The following CCDC174 variants were observed in gnomAD, a reference collection of about 807,000 sequenced individuals.
CCDC174 encodes coiled-coil domain-containing protein 174.
In CCDC174, 37 loss-of-function variants were observed where a neutral mutation model predicts 57.1. The ratio of observed to expected loss-of-function variants is 0.65; its 90% CI spans 0.50 to 0.85. CCDC174 has a LOEUF of 0.85. Ranked by LOEUF, CCDC174 falls within the 40% of genes least tolerant of loss-of-function variation. CCDC174 has a pLI of 0.00. For synonymous variants in CCDC174, 182 were observed against 190.2 expected (o/e 0.96, Z 0.35); for missense variants, 540 against 574.3 (o/e 0.94, Z 0.61).
At chr3:14,657,851 C>T (rs1230482290) in intron 3 of CCDC174, among the ~76,000 whole-genome samples, 1 of 152,212 alleles carries the variant, frequency 6.6e-6, no homozygotes, top group East Asian at 1.9e-4. Flanking sequence ...AGAGGTTTCC[C>T]CTGACTGCCC....
intron 6 of CCDC174, among the ~76,000 whole-genome samples, chr3:14,666,037 CAAAAAAAAA>C (rs71038422): frequency 1.2e-5 from 1 of 84,802 alleles, no homozygotes; most frequent in Non-Finnish European, 2.4e-5. Context: ...GACTCCGTCT[CAAAAAAAAA>C]AAAAAAAAAA....
In CCDC174 at chr3:14,668,091, C is replaced by T. The variant is rs752013404; in HGVS notation, c.862C>T (p.Arg288Ter). Reference protein sequence around the residue: ...RTKRENIKEKRKAILEARLAK... With the variant: ...RTKRENIKEK ...AAAACGAGAAAACATAAAGGAAAAG[C>T]GAAAGGCTATCTTAGAGGCAAGACT... The change falls in exon 9 of 11, where the codon CGA becomes TGA. Residue 288 changes from arginine (R) to a stop codon, truncating the protein, a stop_gained. Transcript: ENST00000383794. LOFTEE classifies it high-confidence loss of function. 1.2e-5 allele frequency: 19 copies of T among 1,601,482 alleles called. No homozygotes were observed. Among genetic ancestry groups the T allele is most frequent in the Non-Finnish European group, 1.4e-5 (16 of 1,174,604 alleles).
intron 8 of CCDC174, 193 bp from the exon 9 acceptor site, chr3:14,667,856 A>C: frequency 1.7e-6 from 1 of 594,128 alleles, no homozygotes; most frequent in Non-Finnish European, 2.9e-6. Context: ...ACTCTTATGA[A>C]ACTTTGTAAG....
rs536933697 is a variant in CCDC174, at chr3:14,667,628, C to T, written c.819+110C>T. 32 of 813,282 alleles carry T rather than the reference C, an allele frequency of 3.9e-5. No individual in the cohort carries two copies. In the South Asian group the frequency reaches 5.2e-4, roughly 13 times the overall value. 50.4% of individuals were successfully genotyped at this position (813,282 alleles called of 1,614,324 possible). ...TTAGTTAGAAATTAAAATTGATATT[C>T]AGAATTGCATAAAGGTAGTTGCCAT... On this transcript the variant is annotated intron_variant, in intron 8 of 10. Transcript: ENST00000383794.
rs756846641 is a variant in CCDC174 at position 14,666,889 on chromosome 3, AAG to A, written c.671_672del (p.Glu224GlyfsTer12). 1 of 1,608,174 alleles carries A rather than the reference AAG, an allele frequency of 6.2e-7. No homozygotes were observed. The highest frequency in any genetic ancestry group is 2.2e-5 in the East Asian group (1 of 44,786). On this transcript the variant is annotated frameshift_variant, in exon 7 of 11. Transcript: ENST00000383794. LOFTEE classifies it high-confidence loss of function. ...AGCGCCAGCAATGGGAGGAAGAAGA[AAG>A]AGAGGCCCTGAAGAGGCCCATGGGG... Reference protein sequence around the residue: ...LQRQQWEEEEREALKRPMGPV... With the variant: ...LQRQQWEEEEXEALKRPMGPV...
chr3:14,660,943 G>T (rs941863349), intron 4 of CCDC174, among the ~76,000 whole-genome samples: 1 of 152,144 alleles, frequency 6.6e-6, no homozygotes, highest in Non-Finnish European at 1.5e-5. Flanking sequence ...TGGACCATAA[G>T]CCCTGCAGGC....
intron 8 of CCDC174, 185 bp from the exon 9 acceptor site, chr3:14,667,864 A>G (rs954336480): frequency 5.0e-5 from 30 of 601,888 alleles, no homozygotes; most frequent in Non-Finnish European, 7.5e-5. Flanking sequence ...GAAACTTTGT[A>G]AGACATCAGA....
At chr3:14,657,058 TC>T (rs2030982340) in intron 3 of CCDC174, among the ~76,000 whole-genome samples, 1 of 152,228 alleles carries the variant, frequency 6.6e-6, no homozygotes, top group African/African-American at 2.4e-5. Context: ...TTGAGACATT[TC>T]CCACTCTTGG....
In CCDC174 at chr3:14,662,903, A is replaced by G. The variant is rs559786917; in HGVS notation, c.485+1196A>G. Reference sequence around the variant, plus strand: ...ACATTCTCATTGGGATAAAACAGGTATCTTTTTACCTACTGTCTTAAAAAC... The same window carrying G: ...ACATTCTCATTGGGATAAAACAGGTGTCTTTTTACCTACTGTCTTAAAAAC... On this transcript the variant is annotated intron_variant, in intron 5 of 10. Coordinates refer to ENST00000383794, the MANE Select transcript of CCDC174 (RefSeq NM_016474.5). 1.4e-4 allele frequency among the ~76,000 whole-genome samples: 22 copies of G among 152,346 alleles called. No individual in the cohort carries two copies. In the South Asian group the frequency reaches 3.3e-3, roughly 23 times the overall value.
chr3:14,655,784 G>A (rs549464173), intron 3 of CCDC174, among the ~76,000 whole-genome samples, 155 bp downstream of exon 3: 1 of 152,134 alleles, frequency 6.6e-6, no homozygotes, highest in Non-Finnish European at 1.5e-5. Context: ...ATAATTTGCA[G>A]ATATATCTGT....
At chr3:14,669,401 A>G (rs1182031574) in intron 9 of CCDC174, among the ~76,000 whole-genome samples, 3 of 152,222 alleles carry the variant, frequency 2.0e-5, no homozygotes, top group Non-Finnish European at 2.9e-5. Context: ...AACATCTGTC[A>G]TGTCCAGAAA....
chr3:14,669,661 C>T (rs2031452644), intron 9 of CCDC174, among the ~76,000 whole-genome samples: 1 of 152,154 alleles, frequency 6.6e-6, no homozygotes, highest in African/African-American at 2.4e-5. Context: ...CCCAGGACTC[C>T]AGCCCGTATC....
At chr3:14,670,591 C>A (rs951829) in intron 10 of CCDC174, among the ~76,000 whole-genome samples, 125,947 of 152,180 alleles carry the variant, frequency 0.83, 52,911 homozygotes, top group Non-Finnish European at 0.91. Flanking sequence ...AACTCAATAA[C>A]GGACAAAATT....
intron 3 of CCDC174, among the ~76,000 whole-genome samples, chr3:14,657,164 C>T (rs1416885372): frequency 2.6e-5 from 4 of 152,144 alleles, no homozygotes; most frequent in Admixed American, 6.5e-5. Context: ...CTTTGCTGTG[C>T]TTTTTCTATG....
intron 1 of CCDC174, among the ~76,000 whole-genome samples, chr3:14,652,915 C>T (rs1274924608): frequency 1.9e-5 from 2 of 105,692 alleles, no homozygotes; most frequent in African/African-American, 3.8e-5. Context: ...GGGCGGGGGG[C>T]GGGGGGAAGA....
At chr3:14,654,349 TG>T (rs1240795485) in intron 1 of CCDC174, 76 bp from the exon 2 acceptor site, 55 of 765,512 alleles carry the variant, frequency 7.2e-5, no homozygotes, top group African/African-American at 5.4e-5. Flanking sequence ...AATATTCCTT[TG>T]GAAATTATAA....
intron 9 of CCDC174, 37 bp from the exon 10 acceptor site, chr3:14,669,897 T>TA: frequency 6.2e-7 from 1 of 1,603,948 alleles, no homozygotes; most frequent in Non-Finnish European, 8.5e-7. Flanking sequence ...GCTTTAGGCT[T>TA]TTTTATAACA....
rs1337511516 is a variant in CCDC174, at chr3:14,668,353, G to A, written c.952+172G>A. Reference sequence around the variant, plus strand: ...TTTTATAACCAAAGTGATGCAGAATGACATTCAATATTTTTAGGCTATAGA... The same window carrying A: ...TTTTATAACCAAAGTGATGCAGAATAACATTCAATATTTTTAGGCTATAGA... On this transcript the variant is annotated intron_variant, in intron 9 of 10. Coordinates refer to ENST00000383794, the MANE Select transcript of CCDC174 (RefSeq NM_016474.5). 3.3e-5 allele frequency among the ~76,000 whole-genome samples: 5 copies of A among 152,228 alleles called. No homozygotes were observed. In the South Asian group the frequency reaches 1.0e-3, roughly 32 times the overall value.
intron 1 of CCDC174, 45 bp downstream of exon 1, chr3:14,651,923 T>A (rs2030780904): frequency 1.3e-6 from 2 of 1,589,326 alleles, no homozygotes; most frequent in African/African-American, 2.7e-5. Flanking sequence ...GGGTTCACCG[T>A]GTCTCCATCA....
Sources: gnomAD v4.1 joint callset for allele counts (sites outside exome capture counted in the v4.1 genomes callset) on GRCh38, gnomAD v4.1.1 for gene constraint, MANE v1.5 for transcripts, NCBI Gene and HGNC (gene_info 2026-07-23, HGNC 2026-07-21) for gene names.